AUTS2: variants seen among roughly 807,000 people sequenced by gnomAD.
The protein encoded by AUTS2 is activator of transcription and developmental regulator AUTS2, also known as autism susceptibility gene 2 protein.
AUTS2 carries 17 observed loss-of-function variants against 112.4 expected under a neutral mutation model. The observed-to-expected ratio is 0.15, with a 90% CI of 0.10 to 0.23. The LOEUF is 0.23. AUTS2 is among the 10% of genes least tolerant of loss of function. The pLI is 1.00. For synonymous variants in AUTS2, 751 were observed against 702.7 expected, an observed-to-expected ratio of 1.07 and a Z score of -1.09; for missense variants, 1,510 against 1,701.6, an observed-to-expected ratio of 0.89 and a Z score of 1.98.
At chr7:70,588,671 AT>A (rs916861526) in intron 5 of AUTS2, among the ~76,000 whole-genome samples, 168 of 149,884 alleles carry the variant, frequency 1.1e-3, no homozygotes, top group Admixed American at 6.2e-3. Context: ...AAAGTTTAGG[AT>A]TTTTTTTTTA....
In AUTS2 at chr7:69,771,557, C is replaced by T. The variant is rs543953777; in HGVS notation, c.310-127729C>T. Among the ~76,000 whole-genome samples the T allele has an allele frequency of 4.5e-4, 68 of 152,202 alleles. 1 individual carries two copies. In the South Asian group the frequency reaches 0.014, roughly 31 times the overall value. On this transcript the variant is annotated intron_variant, in intron 1 of 18. Coordinates refer to ENST00000342771, the MANE Select transcript of AUTS2 (RefSeq NM_015570.4). Reference sequence around the variant, plus strand: ...AGTGACAAAAGGTATGTTGGTAGCACGGAAGATGCAGTGCTAGTTCCGTGT... The same window carrying T: ...AGTGACAAAAGGTATGTTGGTAGCATGGAAGATGCAGTGCTAGTTCCGTGT...
chr7:70,414,897 C>A (rs1794927630), intron 4 of AUTS2, among the ~76,000 whole-genome samples: 2 of 152,276 alleles, frequency 1.3e-5, no homozygotes, highest in South Asian at 4.2e-4. Flanking sequence ...TCTTTACAGC[C>A]TGGAACAGAG....
At chr7:70,416,149 C>G (rs1794978888) in intron 4 of AUTS2, among the ~76,000 whole-genome samples, 1 of 152,110 alleles carries the variant, frequency 6.6e-6, no homozygotes, top group African/African-American at 2.4e-5. Context: ...GTAATACAAT[C>G]TATAATTTTT....
At chr7:70,334,835 A>G (rs909380746) in intron 4 of AUTS2, among the ~76,000 whole-genome samples, 5 of 152,146 alleles carry the variant, frequency 3.3e-5, no homozygotes, top group Non-Finnish European at 5.9e-5. Flanking sequence ...TTGAGAGGTG[A>G]GCCAACTTTT....
intron 5 of AUTS2, among the ~76,000 whole-genome samples, chr7:70,555,397 T>C (rs1327754373): frequency 1.3e-5 from 2 of 152,252 alleles, no homozygotes; most frequent in Non-Finnish European, 2.9e-5. Flanking sequence ...CATGCTTAAG[T>C]GCAGAACTTC....
chr7:70,699,558 T>G (rs1809330716), intron 6 of AUTS2: 1 of 152,234 alleles, frequency 6.6e-6, no homozygotes, highest in African/African-American at 2.4e-5. Flanking sequence ...GCAGTTATTT[T>G]GAGCTCCCAG....
At chr7:69,909,128 A>G (rs1795257970) in intron 2 of AUTS2, among the ~76,000 whole-genome samples, 1 of 152,238 alleles carries the variant, frequency 6.6e-6, no homozygotes, top group Admixed American at 6.5e-5. Flanking sequence ...GTAACAACAT[A>G]TCTTGCGGAA....
intron 1 of AUTS2, among the ~76,000 whole-genome samples, chr7:69,760,205 T>C (rs1354105330): frequency 2.4e-4 from 35 of 148,600 alleles, no homozygotes; most frequent in African/African-American, 6.8e-4. Context: ...TTCTTTTTTT[T>C]TTTTTTTTTA....
chr7:69,957,351 CA>C (rs1324014739), intron 2 of AUTS2, among the ~76,000 whole-genome samples: 1 of 151,534 alleles, frequency 6.6e-6, no homozygotes, highest in Non-Finnish European at 1.5e-5. Context: ...GGGAGTCAGA[CA>C]AAAAATTGAA....
chr7:69,643,728 G>C (rs1794899633), intron 1 of AUTS2, among the ~76,000 whole-genome samples: 1 of 151,986 alleles, frequency 6.6e-6, no homozygotes, highest in Non-Finnish European at 1.5e-5. Flanking sequence ...AATTGCAGCA[G>C]TAAGTAAATT....
chr7:69,723,500 C>T (rs959315709), intron 1 of AUTS2, among the ~76,000 whole-genome samples: 3 of 152,092 alleles, frequency 2.0e-5, no homozygotes, highest in Non-Finnish European at 4.4e-5. Context: ...CCAGTTTTCT[C>T]ATTTGTTAGA....
chr7:70,743,063 G>A (rs557464172), intron 6 of AUTS2, among the ~76,000 whole-genome samples: 1 of 152,302 alleles, frequency 6.6e-6, no homozygotes, highest in Non-Finnish European at 1.5e-5. Context: ...TGTGCATTTA[G>A]GAGGAAATCT....
chr7:70,361,437 C>T (rs1352621694), intron 4 of AUTS2, among the ~76,000 whole-genome samples: 1 of 152,148 alleles, frequency 6.6e-6, no homozygotes, highest in African/African-American at 2.4e-5. Context: ...TGTCATTACG[C>T]CTCAGCCTCC....
intron 4 of AUTS2, among the ~76,000 whole-genome samples, chr7:70,286,567 T>C (rs1249132157): frequency 6.6e-6 from 1 of 152,250 alleles, no homozygotes; most frequent in Non-Finnish European, 1.5e-5. Flanking sequence ...AAAAACATTT[T>C]CAACCTAAGC....
intron 4 of AUTS2, among the ~76,000 whole-genome samples, chr7:70,163,427 T>C (rs565492330): frequency 3.1e-4 from 45 of 144,996 alleles, no homozygotes; most frequent in Middle Eastern, 3.8e-3. Flanking sequence ...GAACCAGAAA[T>C]TTGAAATTTA....
chr7:69,976,730 C>A (rs1798074511), intron 2 of AUTS2, among the ~76,000 whole-genome samples: 1 of 152,118 alleles, frequency 6.6e-6, no homozygotes, highest in African/African-American at 2.4e-5. Flanking sequence ...TGTTGGCTAC[C>A]TGTGTATTAT....
intron 4 of AUTS2, among the ~76,000 whole-genome samples, chr7:70,219,776 T>A (rs1405189627): frequency 6.6e-6 from 1 of 152,082 alleles, no homozygotes; most frequent in Non-Finnish European, 1.5e-5. Context: ...TTCACCACAT[T>A]GGTCAGGCTG....
chr7:69,968,807 T>C (rs1172174079), intron 2 of AUTS2, among the ~76,000 whole-genome samples: 1 of 151,152 alleles, frequency 6.6e-6, no homozygotes, highest in Non-Finnish European at 1.5e-5. Flanking sequence ...TCACCTAGTT[T>C]AAAAAAAAAG....
intron 5 of AUTS2, among the ~76,000 whole-genome samples, chr7:70,521,815 G>C (rs1341657369): frequency 6.6e-6 from 1 of 152,172 alleles, no homozygotes; most frequent in Non-Finnish European, 1.5e-5. Context: ...CCATTTCACT[G>C]AGACTGGGGC....
Sources: gnomAD v4.1 joint callset for allele counts (sites outside exome capture counted in the v4.1 genomes callset) on GRCh38, gnomAD v4.1.1 for gene constraint, MANE v1.5 for transcripts, NCBI Gene and HGNC (gene_info 2026-07-23, HGNC 2026-07-21) for gene names.